C8orf34: variants seen among roughly 807,000 people sequenced by gnomAD.
C8orf34 encodes the protein chromosome 8 open reading frame 34, also known as uncharacterized protein C8orf34.
In C8orf34, 65 loss-of-function variants were observed where a neutral mutation model predicts 68.3. The ratio of observed to expected loss-of-function variants is 0.95; its 90% CI spans 0.78 to 1.17. C8orf34 has a LOEUF of 1.17. Among genes scored for constraint, C8orf34 ranks in the 50% most tolerant of loss-of-function variants. The pLI, the probability that C8orf34 is intolerant of heterozygous loss-of-function variation, is 0.00. For missense variants in C8orf34, 664 were observed against 655.4 expected (o/e 1.01, Z -0.14); for synonymous variants, 244 against 241.2 (o/e 1.01, Z -0.11).
chr8:68,556,916 T>C (rs554097591), intron 7 of C8orf34, among the ~76,000 whole-genome samples: 136 of 152,304 alleles, frequency 8.9e-4, no homozygotes, highest in African/African-American at 3.2e-3. Context: ...ACAAACCATA[T>C]TTGCTTTCTC....
At chr8:68,743,129 C>G (rs897864915) in intron 10 of C8orf34, among the ~76,000 whole-genome samples, 1 of 152,158 alleles carries the variant, frequency 6.6e-6, no homozygotes, top group Non-Finnish European at 1.5e-5. Flanking sequence ...GAGGAATAAT[C>G]TGGTGGTGAC....
intron 1 of C8orf34, among the ~76,000 whole-genome samples, chr8:68,406,649 C>T (rs1274487807): frequency 6.6e-6 from 1 of 151,954 alleles, no homozygotes; most frequent in Non-Finnish European, 1.5e-5. Context: ...GCACCGGCCA[C>T]CACACCCAGG....
chr8:68,590,923 G>C (rs1239158047), intron 7 of C8orf34, among the ~76,000 whole-genome samples: 1 of 152,142 alleles, frequency 6.6e-6, no homozygotes, highest in Admixed American at 6.5e-5. Flanking sequence ...TATATCGTGG[G>C]GGAGCTCTCC....
rs146739570 is a variant in C8orf34, at chr8:68,345,145, CT to C, written c.327+13808del. ...ATCAAATCAAAGATTCCTAGATTGG[CT>C]TAAAAATCTTTGCGTAATCTGTATA... On this transcript the variant is annotated intron_variant, in intron 1 of 13. Coordinates refer to ENST00000518698, the MANE Select transcript of C8orf34 (RefSeq NM_052958.4). Among the ~76,000 whole-genome samples the C allele has an allele frequency of 7.9e-3, 1,194 of 151,890 alleles. 19 individuals carry two copies. Among genetic ancestry groups the C allele is most frequent in the African/African-American group, 0.026 (1,098 of 41,478 alleles).
intron 8 of C8orf34, among the ~76,000 whole-genome samples, chr8:68,682,198 C>G (rs1820389987): frequency 6.6e-6 from 1 of 151,976 alleles, no homozygotes; most frequent in Admixed American, 6.6e-5. Context: ...TTAAAAATAG[C>G]TAAAATAGTA....
intron 4 of C8orf34, among the ~76,000 whole-genome samples, chr8:68,480,742 TG>T (rs781048961): frequency 7.6e-4 from 115 of 152,270 alleles, no homozygotes; most frequent in Non-Finnish European, 1.5e-3. Context: ...TAGAGATTTG[TG>T]GAACTTTGAA....
At chr8:68,583,909 T>A (rs527454955) in intron 7 of C8orf34, among the ~76,000 whole-genome samples, 107 of 152,218 alleles carry the variant, frequency 7.0e-4, no homozygotes, top group African/African-American at 2.5e-3. Flanking sequence ...TCCTTGTGAG[T>A]GGATTTTACT....
chr8:68,608,145 C>T (rs763604300), intron 7 of C8orf34, among the ~76,000 whole-genome samples: 1 of 151,972 alleles, frequency 6.6e-6, no homozygotes, highest in Non-Finnish European at 1.5e-5. Context: ...AAAACTTGGA[C>T]TCTGTCTTCA....
At chr8:68,742,604 A>T (rs2129527294) in intron 10 of C8orf34, among the ~76,000 whole-genome samples, 1 of 152,218 alleles carries the variant, frequency 6.6e-6, no homozygotes, top group South Asian at 2.1e-4. Context: ...TTCTCTTTCG[A>T]CTTTCCTGCA....
intron 1 of C8orf34, among the ~76,000 whole-genome samples, chr8:68,414,418 C>T (rs72664937): frequency 0.015 from 2,254 of 152,128 alleles, 61 homozygotes; most frequent in African/African-American, 0.048. Flanking sequence ...TATTATCATA[C>T]GAAATGAAAC....
At chr8:68,810,300 C>A (rs1219025962) in intron 12 of C8orf34, among the ~76,000 whole-genome samples, 2 of 152,180 alleles carry the variant, frequency 1.3e-5, no homozygotes, top group African/African-American at 4.8e-5. Flanking sequence ...GCTCCAGGTG[C>A]CAGCACGGAC....
At chr8:68,508,878 A>AG (rs1563494774) in intron 5 of C8orf34, among the ~76,000 whole-genome samples, 2 of 152,066 alleles carry the variant, frequency 1.3e-5, no homozygotes, top group African/African-American at 4.8e-5. Flanking sequence ...AAGGAAGAAA[A>AG]GGGGGAAACA....
chr8:68,665,474 AAG>A (rs1819808963), intron 8 of C8orf34, among the ~76,000 whole-genome samples: 2 of 152,244 alleles, frequency 1.3e-5, no homozygotes, highest in Non-Finnish European at 2.9e-5. Flanking sequence ...TTTTGCAGCC[AAG>A]ATCCCATCCC....
At chr8:68,510,658 C>A (rs572227178) in intron 5 of C8orf34, among the ~76,000 whole-genome samples, 1 of 152,008 alleles carries the variant, frequency 6.6e-6, no homozygotes, top group Non-Finnish European at 1.5e-5. Flanking sequence ...ATAATAGGAC[C>A]GAGTTGTTTG....
chr8:68,611,073 G>A (rs1818009031), intron 7 of C8orf34, among the ~76,000 whole-genome samples: 1 of 151,982 alleles, frequency 6.6e-6, no homozygotes, highest in Non-Finnish European at 1.5e-5. Flanking sequence ...CTCCATGTTG[G>A]TCAGGCTGGT....
intron 12 of C8orf34, among the ~76,000 whole-genome samples, chr8:68,806,148 T>C (rs1824476172): frequency 1.3e-5 from 2 of 152,208 alleles, no homozygotes; most frequent in East Asian, 1.9e-4. Context: ...TTTATAGGAG[T>C]ATTGGCATGT....
intron 1 of C8orf34, among the ~76,000 whole-genome samples, chr8:68,435,512 C>G (rs184557634): frequency 1.3e-5 from 2 of 152,128 alleles, no homozygotes; most frequent in Admixed American, 6.5e-5. Flanking sequence ...GGCAATTCTT[C>G]GGTGTCTTTG....
intron 7 of C8orf34, among the ~76,000 whole-genome samples, chr8:68,599,544 TTACATACA>T (rs965376985): frequency 7.2e-5 from 11 of 152,022 alleles, no homozygotes; most frequent in Non-Finnish European, 1.3e-4. Flanking sequence ...AAGTGGACCT[TTACATACA>T]TAGTCTGAAA....
intron 12 of C8orf34, among the ~76,000 whole-genome samples, chr8:68,813,136 A>C (rs935202575): frequency 3.9e-5 from 6 of 152,162 alleles, no homozygotes; most frequent in African/African-American, 1.4e-4. Flanking sequence ...CTAATCCATA[A>C]TATTATGTTT....
Sources: gnomAD v4.1 joint callset for allele counts (sites outside exome capture counted in the v4.1 genomes callset) on GRCh38, gnomAD v4.1.1 for gene constraint, MANE v1.5 for transcripts, NCBI Gene and HGNC (gene_info 2026-07-23, HGNC 2026-07-21) for gene names.